The following PRODH2 variants were observed in gnomAD, a reference collection of about 807,000 sequenced individuals.
PRODH2 encodes hydroxyproline dehydrogenase.
In PRODH2, 49 loss-of-function variants were observed where a neutral mutation model predicts 51.9. That is an observed-to-expected ratio of 0.94 (90% CI 0.75 to 1.20). The LOEUF (loss-of-function observed/expected upper bound fraction) is 1.20, where lower values mean the gene tolerates loss of function less well. Ranked by LOEUF, PRODH2 falls within the 50% of genes most tolerant of loss-of-function variation. PRODH2 has a pLI of 0.00. For synonymous variants in PRODH2, 249 were observed against 260.7 expected, an observed-to-expected ratio of 0.96 and a Z score of 0.43; for missense variants, 597 against 610.9, an observed-to-expected ratio of 0.98 and a Z score of 0.24.
intron 9 of PRODH2, chr19:35,801,936 C>T (rs1972437629): frequency 2.1e-6 from 1 of 478,978 alleles, no homozygotes; most frequent in Non-Finnish European, 3.8e-6. Context: ...CATTAATTAC[C>T]TGGTGTCAGG....
chr19:35,806,389 GTGT>G, intron 7 of PRODH2, 38 bp downstream of exon 7: 1 of 1,610,610 alleles, frequency 6.2e-7, no homozygotes, highest in Non-Finnish European at 8.5e-7. Context: ...CAACCACTAG[GTGT>G]TATTATTTCC....
intron 4 of PRODH2, among the ~76,000 whole-genome samples, chr19:35,809,969 A>AAAAAAAAAC (rs1972578978): frequency 1.6e-5 from 2 of 122,152 alleles, no homozygotes; most frequent in Admixed American, 8.5e-5. Flanking sequence ...AAAAAAAAAA[A>AAAAAAAAAC]AAAAAAAAAA....
chr19:35,806,848 G>C lies in PRODH2; in HGVS notation c.679-18C>G, dbSNP rs924937017. 1.9e-6 allele frequency: 3 copies of C among 1,579,196 alleles called. No homozygotes were observed. Among genetic ancestry groups the C allele is most frequent in the East Asian group, 2.3e-5 (1 of 42,590 alleles). On this transcript the variant is annotated intron_variant, in intron 5 of 9. Transcript: ENST00000653904. ...CGGGCATACTGATGGCGACAGAGAC[G>C]ACGGTCAGGGCCCCGGGTGTCCAGC...
chr19:35,806,463 G>T lies in PRODH2; in HGVS notation c.968C>A (p.Pro323His), dbSNP rs1972511831. The T allele has an allele frequency of 6.2e-7, 1 of 1,613,962 alleles. No homozygotes were observed. Among genetic ancestry groups the T allele is most frequent in the African/African-American group, 1.3e-5 (1 of 74,898 alleles). ...GGTGGCCTCATAGTCAGGCTGAGTG[G>T]GGTCTTCCATCCCATGGAGCTGGGC... is the stretch of plus-strand genomic sequence containing the variant. ...AVAQLHGMED[P>H]TQPDYEATSQ... is the part of the protein sequence containing the mutation. Residue 323 changes from proline (P) to histidine (H), a missense_variant, in exon 7 of 10, where the codon CCC becomes CAC. By Grantham distance (77) the Pro-to-His change is moderately conservative. Coordinates refer to ENST00000653904, the MANE Select transcript of PRODH2 (RefSeq NM_021232.2).
chr19:35,806,054 G>A (rs1972505834), intron 7 of PRODH2, among the ~76,000 whole-genome samples: 1 of 148,538 alleles, frequency 6.7e-6, no homozygotes, highest in African/African-American at 2.5e-5. Context: ...CCACTGTAAG[G>A]ATTTCTTTTT....
At position 35,812,540 on chromosome 19, in the gene PRODH2, C is replaced by G. The variant is rs140649526; in HGVS notation, c.191G>C (p.Arg64Pro). Residue 64 changes from arginine (R) to proline (P), a missense_variant, in exon 2 of 10, where the codon CGG (arginine) becomes CCG (proline). Arg to Pro is a moderately radical substitution (Grantham distance 103, BLOSUM62 -2). Coordinates refer to ENST00000653904, the MANE Select transcript of PRODH2 (RefSeq NM_021232.2). ...TGAGAGCCGGGAGCCCAGGAGTCGC[C>G]GAGACCAGGCCTGGAGCTGGGTGAC... ...THGLLLQAWS[R>P]RLLGSRLSGA... The G allele has an allele frequency of 3.1e-6, 5 of 1,613,766 alleles. No individual in the cohort carries two copies. Among genetic ancestry groups the G allele is most frequent in the African/African-American group, 2.7e-5 (2 of 74,944 alleles).
chr19:35,802,932 G>A (rs1229213694), intron 8 of PRODH2, 36 bp downstream of exon 8: 1 of 1,430,118 alleles, frequency 7.0e-7, no homozygotes, highest in Admixed American at 2.1e-5. Context: ...GCCCTTTTGT[G>A]GGCACCTATT....
chr19:35,806,675 C>T lies in PRODH2; in HGVS notation c.834G>A (p.Lys278=), dbSNP rs1972516978. ...WVWNTYQACL[K]DTFERLGRDA... is the part of the protein sequence containing the mutation. ...GTACCTCCTGGAACACACTGCACACCTTTAGACAGGCCTGGTAGGTGTTCC... is the reference window on the plus strand; with the variant it reads ...GTACCTCCTGGAACACACTGCACACTTTTAGACAGGCCTGGTAGGTGTTCC... Residue 278 remains lysine (K), a splice_region_variant and synonymous_variant, in exon 6 of 10, where the codon AAG becomes AAA. Transcript: ENST00000653904. 6.2e-7 allele frequency: 1 copy of T among 1,614,134 alleles called. No homozygotes were observed.
At chr19:35,808,008 C>G (rs1362377273) in intron 4 of PRODH2, among the ~76,000 whole-genome samples, 1 of 152,158 alleles carries the variant, frequency 6.6e-6, no homozygotes, top group Admixed American at 6.6e-5. Flanking sequence ...CTCCTGGACT[C>G]AAGCGATCCT....
chr19:35,811,990 C>G lies in PRODH2; in HGVS notation c.569G>C (p.Arg190Thr), dbSNP rs2146790517. 1 of 1,614,182 alleles carries G rather than the reference C, an allele frequency of 6.2e-7. No homozygotes were observed. Among genetic ancestry groups the G allele is most frequent in the Non-Finnish European group, 8.5e-7 (1 of 1,179,998 alleles). Residue 190 changes from arginine to threonine, a missense_variant, in exon 4 of 10, where the codon AGG becomes ACG. By Grantham distance (71) the Arg-to-Thr change is moderately conservative. Transcript: ENST00000653904. ...PGASLELSPE[R>T]LAEAMDSGQN... ...CCCAGAGTCCATAGCTTCAGCCAGC[C>G]TCTCGGGGCTCAGCTCCAAGGAGGC...
At chr19:35,807,465 G>A (rs1972532951) in intron 4 of PRODH2, among the ~76,000 whole-genome samples, 1 of 152,022 alleles carries the variant, frequency 6.6e-6, no homozygotes, top group Non-Finnish European at 1.5e-5. Context: ...ACCATGCCCG[G>A]CTAATATTTG....
Position 35,812,812 on chromosome 19 carries a change from TC to T in PRODH2, c.-8del. 2 of 1,578,468 alleles carry T rather than the reference TC, an allele frequency of 1.3e-6. No homozygotes were observed. The highest frequency in any genetic ancestry group is 8.6e-7 in the Non-Finnish European group (1 of 1,158,252). On this transcript the variant is annotated 5_prime_UTR_variant, in exon 1 of 10. Transcript: ENST00000653904. Reference sequence around the variant, plus strand: ...CGTAACAGGTCCGGAGCATCCTGGGTCCCTGGCTGCCTCCACACCAGGGAAG... The same window carrying T: ...CGTAACAGGTCCGGAGCATCCTGGGTCCTGGCTGCCTCCACACCAGGGAAG...
At chr19:35,800,742 G>T (rs1040967729) in intron 9 of PRODH2, among the ~76,000 whole-genome samples, 12 of 152,084 alleles carry the variant, frequency 7.9e-5, no homozygotes, top group Non-Finnish European at 1.5e-4. Flanking sequence ...GCCCAGGCTG[G>T]AGTGCAGTGG....
chr19:35,803,502 G>T (rs969497813), intron 7 of PRODH2, among the ~76,000 whole-genome samples: 1 of 152,184 alleles, frequency 6.6e-6, no homozygotes, highest in Non-Finnish European at 1.5e-5. Flanking sequence ...TGATCTGCCC[G>T]CCTCAGCCTC....
rs746631181 is a variant in PRODH2 at position 35,802,242 on chromosome 19, C to G, written c.1147G>C (p.Val383Leu). 2 of 1,614,158 alleles carry G rather than the reference C, an allele frequency of 1.2e-6. No individual in the cohort carries two copies. The highest frequency in any genetic ancestry group is 3.3e-5 in the Admixed American group (2 of 60,004). Residue 383 changes from valine to leucine, a missense_variant, in exon 9 of 10, where the codon GTC becomes CTC. Coordinates refer to ENST00000653904, the MANE Select transcript of PRODH2 (RefSeq NM_021232.2). ...ATGCCCAGAAGTTGTCCGAAACAGACAGTCCCATCCAGAGGAATGCCCAGC... is the reference window on the plus strand; with the variant it reads ...ATGCCCAGAAGTTGTCCGAAACAGAGAGTCCCATCCAGAGGAATGCCCAGC... Reference protein sequence around the residue: ...WELGIPLDGTVCFGQLLGMCD... With the variant: ...WELGIPLDGTLCFGQLLGMCD...
Position 35,806,479 on chromosome 19 carries a change from G to A in PRODH2, c.952C>T (p.His318Tyr). ...GGCTGAGTGGGGTCTTCCATCCCAT[G>A]GAGCTGGGCCACCGCTCTCTCCTTG... is the stretch of plus-strand genomic sequence containing the variant. ...LDKERAVAQL[H>Y]GMEDPTQPDY... Residue 318 changes from histidine (H) to tyrosine (Y), a missense_variant, in exon 7 of 10, where the codon CAT (histidine) becomes TAT (tyrosine). Coordinates refer to ENST00000653904, the MANE Select transcript of PRODH2 (RefSeq NM_021232.2). 6.2e-7 allele frequency: 1 copy of A among 1,614,152 alleles called. No individual in the cohort carries two copies.
At chr19:35,802,307 C>T (rs767662727) in intron 8 of PRODH2, 31 bp from the exon 9 acceptor site, 2 of 1,604,268 alleles carry the variant, frequency 1.2e-6, no homozygotes, top group South Asian at 2.2e-5. Flanking sequence ...TCAGTCCAGA[C>T]TGTGGCTGCA....
In PRODH2 at chr19:35,800,236, G is replaced by A. The variant is rs988228197; in HGVS notation, c.1199-14C>T. The stretch of plus-strand genomic sequence containing the variant: ...AGCCGGCCTGCCCTGCAGGGAGAGT[G>A]GGTTTTGTTTTTTCGTTTTTGGTGT... On this transcript the variant is annotated splice_polypyrimidine_tract_variant and intron_variant, in intron 9 of 9. Coordinates refer to ENST00000653904, the MANE Select transcript of PRODH2 (RefSeq NM_021232.2). The A allele has an allele frequency of 6.5e-7, 1 of 1,532,292 alleles. No homozygotes were observed. Among genetic ancestry groups the A allele is most frequent in the Non-Finnish European group, 8.8e-7 (1 of 1,136,502 alleles). The allele number at this position is 1,532,292 out of a possible 1,614,324, so 94.9% of individuals were successfully genotyped here.
chr19:35,812,538 G>T lies in PRODH2; in HGVS notation c.193C>A (p.Arg65=). ...CCTGAGAGCCGGGAGCCCAGGAGTC[G>T]CCGAGACCAGGCCTGGAGCTGGGTG... ...HGLLLQAWSR[R]LLGSRLSGAF... is the part of the protein sequence containing the mutation. The change falls in exon 2 of 10, where the codon CGA becomes AGA. Residue 65 remains arginine (R), a synonymous_variant. Coordinates refer to ENST00000653904, the MANE Select transcript of PRODH2 (RefSeq NM_021232.2). The T allele has an allele frequency of 6.2e-7, 1 of 1,613,914 alleles. No individual in the cohort carries two copies. Among genetic ancestry groups the T allele is most frequent in the African/African-American group, 1.3e-5 (1 of 75,048 alleles).
Sources: allele counts gnomAD v4.1 joint callset (sites outside exome capture counted in the v4.1 genomes callset), GRCh38; gene constraint gnomAD v4.1.1; transcripts MANE v1.5; gene names NCBI Gene and HGNC (gene_info 2026-07-23, HGNC 2026-07-21).